The following CTNNAL1 variants were observed in gnomAD, a reference collection of about 807,000 sequenced individuals.
The protein encoded by CTNNAL1 is catenin alpha like 1, also known as alpha-catulin.
Under a neutral mutation model 93.6 loss-of-function variants are expected in CTNNAL1, and 69 were observed. The ratio of observed to expected loss-of-function variants is 0.74; its 90% CI spans 0.61 to 0.90. The LOEUF (loss-of-function observed/expected upper bound fraction) is 0.90. Among genes scored for constraint, CTNNAL1 ranks in the 40% least tolerant of loss-of-function variants. The probability of loss-of-function intolerance (pLI) is 0.00; values close to 1 mark genes in which losing one functional copy is unlikely to be tolerated. For missense variants in CTNNAL1, 836 were observed against 862.0 expected, an observed-to-expected ratio of 0.97 and a Z score of 0.38; for synonymous variants, 286 against 305.4, an observed-to-expected ratio of 0.94 and a Z score of 0.66.
chr9:108,969,681 C>G (rs924284438), intron 10 of CTNNAL1, among the ~76,000 whole-genome samples: 3 of 152,094 alleles, frequency 2.0e-5, no homozygotes, highest in African/African-American at 7.2e-5. Context: ...GATATAGACT[C>G]TTGCTCTGTC....
chr9:108,991,659 C>T (rs748493265), intron 3 of CTNNAL1, among the ~76,000 whole-genome samples: 14 of 152,252 alleles, frequency 9.2e-5, no homozygotes, highest in East Asian at 1.9e-4. Context: ...TGATAAGGCA[C>T]GTTGCCACCA....
intron 7 of CTNNAL1, chr9:108,977,515 CTG>C (rs1831299867): frequency 1.3e-5 from 2 of 152,320 alleles, no homozygotes; most frequent in Admixed American, 1.3e-4. Context: ...TTCTTACTCA[CTG>C]TAATCTTTTT....
At chr9:108,971,616 G>A (rs1831119853) in intron 9 of CTNNAL1, among the ~76,000 whole-genome samples, 1 of 152,142 alleles carries the variant, frequency 6.6e-6, no homozygotes, top group South Asian at 2.1e-4. Context: ...TGTAAGATGT[G>A]CCTTTGCTCC....
intron 1 of CTNNAL1, among the ~76,000 whole-genome samples, chr9:109,012,907 GT>G (rs1409118992): frequency 6.6e-6 from 1 of 152,172 alleles, no homozygotes; most frequent in Non-Finnish European, 1.5e-5. Flanking sequence ...AGGGCCCTAA[GT>G]ACCAGCGAGG....
At chr9:109,001,172 C>CAAA (rs757020475) in intron 1 of CTNNAL1, among the ~76,000 whole-genome samples, 1,218 of 55,622 alleles carry the variant, frequency 0.022, 3 homozygotes, top group Non-Finnish European at 0.029. Flanking sequence ...ACTCCATCTC[C>CAAA]AAAAAAAAAA....
chr9:108,998,971 G>T (rs533310229), intron 2 of CTNNAL1, 96 bp downstream of exon 2: 1 of 1,362,856 alleles, frequency 7.3e-7, no homozygotes, highest in Non-Finnish European at 9.8e-7. Flanking sequence ...TAATCAAAGA[G>T]CTGTATATCT....
At chr9:108,960,896 A>C (rs1414915685) in intron 11 of CTNNAL1, among the ~76,000 whole-genome samples, 1 of 152,192 alleles carries the variant, frequency 6.6e-6, no homozygotes, top group African/African-American at 2.4e-5. Flanking sequence ...CAGGAAGACA[A>C]GTATTGATTT....
intron 15 of CTNNAL1, among the ~76,000 whole-genome samples, chr9:108,947,214 C>T (rs1313922223): frequency 6.6e-6 from 1 of 150,968 alleles, no homozygotes; most frequent in Non-Finnish European, 1.5e-5. Flanking sequence ...CCCGGGTTCA[C>T]GCCACTCTCC....
At chr9:109,000,380 C>T (rs1171668900) in intron 1 of CTNNAL1, among the ~76,000 whole-genome samples, 1 of 152,050 alleles carries the variant, frequency 6.6e-6, no homozygotes, top group Non-Finnish European at 1.5e-5. Context: ...ACTATCATAT[C>T]CCAAATAAAA....
At chr9:109,012,485 T>C (rs1827236107) in intron 1 of CTNNAL1, among the ~76,000 whole-genome samples, 1 of 152,216 alleles carries the variant, frequency 6.6e-6, no homozygotes, top group African/African-American at 2.4e-5. Flanking sequence ...CTTGGCATCT[T>C]ACCACAGACC....
chr9:108,969,967 G>T (rs1587960437), intron 10 of CTNNAL1, among the ~76,000 whole-genome samples: 1 of 152,124 alleles, frequency 6.6e-6, no homozygotes, highest in African/African-American at 2.4e-5. Context: ...CACCATGCCT[G>T]GTCCCAATTG....
At chr9:109,011,096 G>A (rs1827190200) in intron 1 of CTNNAL1, among the ~76,000 whole-genome samples, 1 of 152,240 alleles carries the variant, frequency 6.6e-6, no homozygotes. Context: ...CTCAGAAAAT[G>A]AGACTTGTGG....
At chr9:108,990,145 C>T (rs972429137) in intron 4 of CTNNAL1, among the ~76,000 whole-genome samples, 2 of 152,182 alleles carry the variant, frequency 1.3e-5, no homozygotes, top group African/African-American at 4.8e-5. Flanking sequence ...GTTCGATCTG[C>T]TAGCACAGTG....
intron 8 of CTNNAL1, 71 bp from the exon 9 acceptor site, chr9:108,972,904 A>G: frequency 6.9e-7 from 1 of 1,451,316 alleles, no homozygotes; most frequent in South Asian, 1.4e-5. Flanking sequence ...AAAGAAAACA[A>G]ACAATAACAT....
intron 11 of CTNNAL1, among the ~76,000 whole-genome samples, chr9:108,963,952 G>T (rs1313840894): frequency 6.6e-6 from 1 of 152,192 alleles, no homozygotes; most frequent in Admixed American, 6.5e-5. Context: ...ACCAGTTTGA[G>T]AAAGACCTGG....
chr9:108,996,936 G>T (rs1587985673), intron 2 of CTNNAL1, among the ~76,000 whole-genome samples: 1 of 142,790 alleles, frequency 7.0e-6, no homozygotes, highest in Non-Finnish European at 1.5e-5. Context: ...CCCACATTTT[G>T]TCTTGCCTTC....
At chr9:108,949,790 G>A (rs146151910) in intron 14 of CTNNAL1, among the ~76,000 whole-genome samples, 3 of 152,294 alleles carry the variant, frequency 2.0e-5, no homozygotes, top group African/African-American at 7.2e-5. Context: ...ATTGCAGTGA[G>A]CCGAGATTGC....
chr9:108,981,781 C>T lies in CTNNAL1; in HGVS notation c.900+1364G>A, dbSNP rs533598689. Among the ~76,000 whole-genome samples the T allele has an allele frequency of 2.5e-4, 38 of 152,144 alleles. No homozygotes were observed. In the South Asian group the frequency reaches 4.6e-3, roughly 18 times the overall value. ...CTCTATTAAAAGTACAAAAATTAGC[C>T]GGCTGTGGTGGTGGGTGCCTGTAAT... On this transcript the variant is annotated intron_variant, in intron 6 of 18. Coordinates refer to ENST00000325551, the MANE Select transcript of CTNNAL1 (RefSeq NM_003798.4).
intron 10 of CTNNAL1, among the ~76,000 whole-genome samples, chr9:108,966,459 C>T (rs1207497925): frequency 6.6e-6 from 1 of 152,152 alleles, no homozygotes; most frequent in Admixed American, 6.5e-5. Context: ...TGTGGGTCAC[C>T]ACTTCCATCC....
Sources: allele counts gnomAD v4.1 joint callset (sites outside exome capture counted in the v4.1 genomes callset), GRCh38; gene constraint gnomAD v4.1.1; transcripts MANE v1.5; gene names NCBI Gene and HGNC (gene_info 2026-07-23, HGNC 2026-07-21).